The following STXBP5L variants were observed in gnomAD, a reference collection of about 807,000 sequenced individuals.
The protein encoded by STXBP5L is syntaxin-binding protein 5-like.
A neutral mutation model predicts 144.5 loss-of-function variants in STXBP5L; 65 were observed. That is an observed-to-expected ratio of 0.45 (90% CI 0.37 to 0.55). STXBP5L has a LOEUF of 0.55. Among genes scored for constraint, STXBP5L ranks in the 20% least tolerant of loss-of-function variants. The pLI is 0.00. For missense variants in STXBP5L, 1,298 were observed against 1,405.5 expected (o/e 0.92, Z 1.22); for synonymous variants, 505 against 469.6 (o/e 1.08, Z -0.97).
chr3:121,028,527 G>C (rs1006142741), intron 3 of STXBP5L, among the ~76,000 whole-genome samples: 1 of 152,014 alleles, frequency 6.6e-6, no homozygotes, highest in African/African-American at 2.4e-5. Context: ...TTCCCAGGTT[G>C]TCCCTTACAT....
intron 20 of STXBP5L, among the ~76,000 whole-genome samples, chr3:121,334,858 C>A (rs2044449633): frequency 6.6e-6 from 1 of 152,140 alleles, no homozygotes; most frequent in African/African-American, 2.4e-5. Context: ...CAACATCATA[C>A]TGAATGGGCA....
chr3:120,984,405 T>C (rs1200397476), intron 3 of STXBP5L, among the ~76,000 whole-genome samples: 1 of 152,186 alleles, frequency 6.6e-6, no homozygotes, highest in Admixed American at 6.5e-5. Flanking sequence ...TGTTGGGAAG[T>C]GATGCCAGGG....
chr3:121,377,502 C>T (rs771936975), intron 20 of STXBP5L, among the ~76,000 whole-genome samples: 2 of 151,966 alleles, frequency 1.3e-5, no homozygotes, highest in Non-Finnish European at 2.9e-5. Context: ...ATAAAACAGC[C>T]CCATCAAAAA....
intron 19 of STXBP5L, among the ~76,000 whole-genome samples, chr3:121,290,111 A>T (rs1387132633): frequency 6.6e-6 from 1 of 152,146 alleles, no homozygotes; most frequent in African/African-American, 2.4e-5. Context: ...AAATGAACCA[A>T]AATGTGGTTC....
chr3:121,083,895 T>C (rs1444381670), intron 5 of STXBP5L, among the ~76,000 whole-genome samples: 1 of 152,154 alleles, frequency 6.6e-6, no homozygotes, highest in Non-Finnish European at 1.5e-5. Context: ...TGTGGAGTTG[T>C]TATCATTTTC....
intron 7 of STXBP5L, among the ~76,000 whole-genome samples, chr3:121,144,345 C>T (rs935752547): frequency 1.3e-5 from 2 of 151,748 alleles, no homozygotes; most frequent in Admixed American, 6.6e-5. Context: ...TAACCACACA[C>T]ACAAAGAATG....
chr3:121,109,401 G>A lies in STXBP5L; in HGVS notation c.471-5524G>A, dbSNP rs1285437576. On this transcript the variant is annotated intron_variant, in intron 5 of 26. Transcript: ENST00000471454. ...TCCCTCTTAACACTGCTTTTTCTGT[G>A]TCCCAGAGATTCTAGTGTATTGTTT... Among the ~76,000 whole-genome samples, 4 of 152,052 alleles carry A rather than the reference G, an allele frequency of 2.6e-5. No individual in the cohort carries two copies. The East Asian group carries it at 7.7e-4, about 29-fold the overall frequency.
At chr3:121,077,111 G>A (rs1030666593) in intron 5 of STXBP5L, among the ~76,000 whole-genome samples, 6 of 152,126 alleles carry the variant, frequency 3.9e-5, no homozygotes, top group African/African-American at 9.7e-5. Flanking sequence ...CACTTCCTCT[G>A]TCCCTGAAAC....
At chr3:121,139,936 G>A (rs2045425265) in intron 7 of STXBP5L, among the ~76,000 whole-genome samples, 2 of 151,880 alleles carry the variant, frequency 1.3e-5, no homozygotes, top group Non-Finnish European at 2.9e-5. Context: ...GAGTATAAGG[G>A]ACTCAGACAA....
At chr3:121,307,259 T>C (rs1309260622) in intron 19 of STXBP5L, among the ~76,000 whole-genome samples, 1 of 152,088 alleles carries the variant, frequency 6.6e-6, no homozygotes, top group Admixed American at 6.5e-5. Flanking sequence ...CAAAATATCA[T>C]GAGACTTGCA....
At chr3:121,265,683 G>A (rs376046466) in intron 18 of STXBP5L, among the ~76,000 whole-genome samples, 1 of 152,094 alleles carries the variant, frequency 6.6e-6, no homozygotes, top group East Asian at 1.9e-4. Flanking sequence ...GAATCCAGGA[G>A]CTGGTTTTTT....
At chr3:120,995,322 A>T (rs1277629873) in intron 3 of STXBP5L, among the ~76,000 whole-genome samples, 1 of 151,630 alleles carries the variant, frequency 6.6e-6, no homozygotes, top group African/African-American at 2.4e-5. Flanking sequence ...TAATTTTTTT[A>T]TTTTTTGTAG....
chr3:121,393,820 G>C (rs924193453), intron 22 of STXBP5L, among the ~76,000 whole-genome samples: 1 of 151,956 alleles, frequency 6.6e-6, no homozygotes, highest in African/African-American at 2.4e-5. Context: ...CTGCTGTTTT[G>C]GTTATTATAG....
intron 19 of STXBP5L, among the ~76,000 whole-genome samples, chr3:121,313,278 C>A (rs1393200823): frequency 2.8e-5 from 4 of 144,846 alleles, no homozygotes; most frequent in Non-Finnish European, 6.1e-5. Context: ...TCCTCACTTC[C>A]CAGTAGGGGC....
At chr3:121,315,664 G>A (rs1265101660) in intron 19 of STXBP5L, among the ~76,000 whole-genome samples, 1 of 151,516 alleles carries the variant, frequency 6.6e-6, no homozygotes, top group African/African-American at 2.4e-5. Flanking sequence ...GCTCATCAAA[G>A]TAAAAAAAAA....
intron 9 of STXBP5L, among the ~76,000 whole-genome samples, chr3:121,167,445 A>G (rs2108043697): frequency 6.6e-6 from 1 of 152,284 alleles, no homozygotes; most frequent in South Asian, 2.1e-4. Context: ...TTTAGATTTC[A>G]CCTTCTAGAT....
intron 22 of STXBP5L, among the ~76,000 whole-genome samples, chr3:121,387,513 T>A (rs958645537): frequency 2.6e-5 from 4 of 152,234 alleles, no homozygotes; most frequent in African/African-American, 9.6e-5. Context: ...GCCTAGGTTT[T>A]CTTCTAGGGT....
chr3:121,207,000 T>G (rs1190220014), intron 10 of STXBP5L, among the ~76,000 whole-genome samples: 1 of 152,220 alleles, frequency 6.6e-6, no homozygotes, highest in Non-Finnish European at 1.5e-5. Flanking sequence ...AATGTTTTCT[T>G]GGTATCATAG....
At chr3:121,333,612 A>AG (rs1437948679) in intron 20 of STXBP5L, among the ~76,000 whole-genome samples, 1 of 152,102 alleles carries the variant, frequency 6.6e-6, no homozygotes, top group Non-Finnish European at 1.5e-5. Flanking sequence ...TTGAAAAAAA[A>AG]ATAAGATAAG....
Sources: allele counts gnomAD v4.1 joint callset (sites outside exome capture counted in the v4.1 genomes callset), GRCh38; gene constraint gnomAD v4.1.1; transcripts MANE v1.5; gene names NCBI Gene and HGNC (gene_info 2026-07-23, HGNC 2026-07-21).